Variants in MAST4 observed in about 807,000 individuals in gnomAD.
MAST4 encodes microtubule-associated serine/threonine-protein kinase 4.
Under a neutral mutation model 162.7 loss-of-function variants are expected in MAST4, and 89 were observed. The ratio of observed to expected loss-of-function variants is 0.55; its 90% confidence interval spans 0.46 to 0.65. The LOEUF (loss-of-function observed/expected upper bound fraction) is 0.65. Among genes scored for constraint, MAST4 ranks in the 30% least tolerant of loss-of-function variants. The probability of loss-of-function intolerance (pLI) is 0.00; values close to 1 mark genes in which losing one functional copy is unlikely to be tolerated. For missense variants in MAST4, 3,153 were observed against 3,374.0 expected (o/e 0.93, Z 1.62); for synonymous variants, 1,479 against 1,361.1 (o/e 1.09, Z -1.91).
At chr5:66,632,454 C>T (rs1336169309) in intron 1 of MAST4, among the ~76,000 whole-genome samples, 1 of 151,650 alleles carries the variant, frequency 6.6e-6, no homozygotes, top group Non-Finnish European at 1.5e-5. Context: ...AAAATCCTAG[C>T]TGTGAAATGG....
chr5:67,005,216 CG>C (rs1203537064), intron 4 of MAST4: 11 of 664,176 alleles, frequency 1.7e-5, no homozygotes, highest in Non-Finnish European at 8.3e-6. Flanking sequence ...GTTTATGCCC[CG>C]CTAGGGGAGG....
chr5:67,087,141 G>T (rs1763327456), intron 5 of MAST4, among the ~76,000 whole-genome samples: 1 of 151,986 alleles, frequency 6.6e-6, no homozygotes, highest in African/African-American at 2.4e-5. Context: ...CTTTTCTTCT[G>T]TTACCACCAC....
chr5:67,139,196 G>C (rs573892595), intron 19 of MAST4, among the ~76,000 whole-genome samples: 117 of 152,304 alleles, frequency 7.7e-4, no homozygotes, highest in African/African-American at 2.8e-3. Flanking sequence ...TGAGAATCCC[G>C]CAGGCCTGCC....
chr5:66,761,561 A>ATT (rs139796536), intron 2 of MAST4, among the ~76,000 whole-genome samples: 21 of 142,908 alleles, frequency 1.5e-4, no homozygotes, highest in African/African-American at 3.1e-4. Context: ...TGAATTACTC[A>ATT]TTTTTTTTTT....
intron 11 of MAST4, among the ~76,000 whole-genome samples, chr5:67,112,131 T>C (rs1276947275): frequency 1.3e-5 from 2 of 152,206 alleles, no homozygotes; most frequent in African/African-American, 4.8e-5. Context: ...GTTGCCTATT[T>C]TGGGCATTAA....
Position 67,061,875 on chromosome 5 carries a change from A to G in MAST4, c.763+7383A>G, listed in dbSNP as rs568055777. Among the ~76,000 whole-genome samples the G allele has an allele frequency of 9.2e-5, 14 of 152,244 alleles. 1 individual carries two copies. In the South Asian group the frequency reaches 2.9e-3, roughly 32 times the overall value. ...TCTAAACTGTATTGGTGAGCCTACA[A>G]AGGAAGGAAGTCTGTAAGCCAAATG... On this transcript the variant is annotated intron_variant, in intron 5 of 28. Transcript: ENST00000403625.
chr5:66,803,469 T>A (rs1214669506), intron 3 of MAST4, among the ~76,000 whole-genome samples: 1 of 137,908 alleles, frequency 7.3e-6, no homozygotes, highest in African/African-American at 2.7e-5. Flanking sequence ...TTGGGGGAAA[T>A]TGACATTTTT....
intron 1 of MAST4, among the ~76,000 whole-genome samples, chr5:66,599,629 CA>C (rs1742425123): frequency 6.6e-6 from 1 of 152,136 alleles, no homozygotes; most frequent in African/African-American, 2.4e-5. Context: ...AATAGGAATA[CA>C]AAGTTGGGTT....
chr5:66,726,860 G>A (rs893870263), intron 1 of MAST4, among the ~76,000 whole-genome samples: 2 of 152,038 alleles, frequency 1.3e-5, no homozygotes, highest in Non-Finnish European at 2.9e-5. Flanking sequence ...CCCCCAGTCC[G>A]TGGAAAAATT....
Position 67,000,759 on chromosome 5 carries a change from G to A in MAST4, c.675-53645G>A, listed in dbSNP as rs184575751. Reference sequence around the variant, plus strand: ...GTGAAACTCTGTCTAAAAAAAAAGGGGGGGGGTGGCTTGTGTCAACAGGTG... The same window carrying A: ...GTGAAACTCTGTCTAAAAAAAAAGGAGGGGGGTGGCTTGTGTCAACAGGTG... On this transcript the variant is annotated intron_variant, in intron 4 of 28. Transcript: ENST00000403625. 1.0e-3 allele frequency among the ~76,000 whole-genome samples: 151 copies of A among 151,566 alleles called. No individual in the cohort carries two copies. In the East Asian group the frequency reaches 0.015, roughly 15 times the overall value.
rs1757483061 is a variant in MAST4 at position 66,829,859 on chromosome 5, A to ATTG, written c.642+41066_642+41067insTGT. Among the ~76,000 whole-genome samples the ATTG allele has an allele frequency of 2.0e-5, 3 of 151,958 alleles. No individual in the cohort carries two copies. The South Asian group carries it at 6.2e-4, about 32-fold the overall frequency. On this transcript the variant is annotated intron_variant, in intron 3 of 28. Transcript: ENST00000403625. ...ATATTCATATTACTATAATATTAAT[A>ATTG]TAGGCAACGAAAGGATTATTTGCAG...
intron 4 of MAST4, among the ~76,000 whole-genome samples, chr5:66,930,333 T>C (rs1742043209): frequency 6.6e-6 from 1 of 152,218 alleles, no homozygotes; most frequent in East Asian, 1.9e-4. Context: ...AGTACTTCAT[T>C]GCTTTTTACT....
chr5:66,871,869 C>T (rs1024015471), intron 3 of MAST4, among the ~76,000 whole-genome samples: 7 of 152,150 alleles, frequency 4.6e-5, no homozygotes, highest in Admixed American at 1.3e-4. Flanking sequence ...TTGTAGACAT[C>T]CCTAGATTCT....
intron 4 of MAST4, among the ~76,000 whole-genome samples, chr5:67,053,524 T>C (rs1348110723): frequency 2.0e-5 from 3 of 152,188 alleles, no homozygotes; most frequent in Non-Finnish European, 4.4e-5. Context: ...ACCACCCTCC[T>C]CTGACTACTG....
At chr5:66,971,928 T>G (rs1272557132) in intron 4 of MAST4, among the ~76,000 whole-genome samples, 1 of 152,190 alleles carries the variant, frequency 6.6e-6, no homozygotes, top group Non-Finnish European at 1.5e-5. Context: ...TGTGATTTCT[T>G]GGAGAGCATA....
intron 1 of MAST4, among the ~76,000 whole-genome samples, chr5:66,651,906 T>C (rs1314648571): frequency 2.0e-5 from 3 of 152,214 alleles, no homozygotes; most frequent in Non-Finnish European, 4.4e-5. Flanking sequence ...TATGTGGACC[T>C]CTACATGGAG....
intron 2 of MAST4, among the ~76,000 whole-genome samples, chr5:66,762,937 T>C (rs1753917759): frequency 6.6e-6 from 1 of 152,242 alleles, no homozygotes; most frequent in African/African-American, 2.4e-5. Context: ...TTATCCCTTA[T>C]AATGATAGCT....
chr5:66,640,073 G>C (rs962216615), intron 1 of MAST4, among the ~76,000 whole-genome samples: 19 of 152,040 alleles, frequency 1.2e-4, no homozygotes, highest in African/African-American at 4.3e-4. Context: ...TGTATCCTTT[G>C]ACCTACAACT....
intron 3 of MAST4, among the ~76,000 whole-genome samples, chr5:66,887,462 ATAG>A (rs1762111365): frequency 6.6e-6 from 1 of 152,214 alleles, no homozygotes; most frequent in South Asian, 2.1e-4. Flanking sequence ...AACCCAACTA[ATAG>A]TAGGTTAAAT....
Sources: allele counts gnomAD v4.1 joint callset (sites outside exome capture counted in the v4.1 genomes callset), GRCh38; gene constraint gnomAD v4.1.1; transcripts MANE v1.5; gene names NCBI Gene and HGNC (gene_info 2026-07-23, HGNC 2026-07-21).